Variants in MAP3K20 observed in about 807,000 individuals in gnomAD.
The protein encoded by MAP3K20 is HCCS-4.
A neutral mutation model predicts 85.7 loss-of-function variants in MAP3K20; 40 were observed. The ratio of observed to expected loss-of-function variants is 0.47; its 90% CI spans 0.36 to 0.61. MAP3K20 has a LOEUF of 0.61. MAP3K20 is among the 20% of genes least tolerant of loss of function. The pLI is 0.00. For missense variants in MAP3K20, 817 were observed against 961.7 expected, an observed-to-expected ratio of 0.85 and a Z score of 1.99; for synonymous variants, 325 against 327.7, an observed-to-expected ratio of 0.99 and a Z score of 0.09.
At chr2:173,202,677 G>A (rs76218496) in intron 8 of MAP3K20, among the ~76,000 whole-genome samples, 2,567 of 152,284 alleles carry the variant, frequency 0.017, 41 homozygotes, top group Admixed American at 0.042. Flanking sequence ...AAATGCTCAA[G>A]CATGACCACA....
intron 2 of MAP3K20, among the ~76,000 whole-genome samples, chr2:173,113,692 G>T (rs1448868974): frequency 6.6e-6 from 1 of 152,070 alleles, no homozygotes; most frequent in Admixed American, 6.5e-5. Flanking sequence ...CCATGTATTT[G>T]CATGGTTTTG....
At chr2:173,202,272 G>C (rs1294814046) in intron 8 of MAP3K20, among the ~76,000 whole-genome samples, 1 of 152,170 alleles carries the variant, frequency 6.6e-6, no homozygotes, top group Non-Finnish European at 1.5e-5. Flanking sequence ...ACGGCCTTTA[G>C]TTTGGAGAGA....
intron 11 of MAP3K20, chr2:173,221,197 A>C (rs1382080493): frequency 3.2e-6 from 5 of 1,580,916 alleles, no homozygotes; most frequent in Non-Finnish European, 4.3e-6. Flanking sequence ...CTTACTTTGA[A>C]TCTAAAACAG....
At chr2:173,174,869 A>G (rs898495151) in intron 3 of MAP3K20, among the ~76,000 whole-genome samples, 1 of 152,218 alleles carries the variant, frequency 6.6e-6, no homozygotes, top group African/African-American at 2.4e-5. Context: ...TCTCTGTATT[A>G]TACTATCTCT....
chr2:173,185,898 T>C (rs931131504), intron 4 of MAP3K20, among the ~76,000 whole-genome samples: 2 of 152,192 alleles, frequency 1.3e-5, no homozygotes, highest in African/African-American at 4.8e-5. Flanking sequence ...CAGTTACACC[T>C]GCCAATTCTT....
chr2:173,108,778 T>C (rs752366076), intron 2 of MAP3K20, among the ~76,000 whole-genome samples: 1 of 152,188 alleles, frequency 6.6e-6, no homozygotes, highest in Non-Finnish European at 1.5e-5. Flanking sequence ...TAAGCAAAAA[T>C]TGGAAAAGTG....
intron 9 of MAP3K20, among the ~76,000 whole-genome samples, chr2:173,205,655 T>C (rs1411344161): frequency 6.6e-6 from 1 of 152,234 alleles, no homozygotes; most frequent in African/African-American, 2.4e-5. Context: ...TGCGTACATG[T>C]TGCAAAATCT....
intron 2 of MAP3K20, among the ~76,000 whole-genome samples, chr2:173,094,623 A>G (rs1396653349): frequency 3.3e-5 from 5 of 152,188 alleles, no homozygotes; most frequent in Admixed American, 6.5e-5. Context: ...GGAAAAGTAT[A>G]GGATAAGTGT....
intron 16 of MAP3K20, among the ~76,000 whole-genome samples, chr2:173,254,380 G>A (rs1185949252): frequency 6.8e-6 from 1 of 145,996 alleles, no homozygotes; most frequent in African/African-American, 2.6e-5. Context: ...CTTGCAGTGA[G>A]CCAAGATTGT....
chr2:173,186,580 C>A (rs1690492220), intron 4 of MAP3K20, among the ~76,000 whole-genome samples: 1 of 152,054 alleles, frequency 6.6e-6, no homozygotes, highest in African/African-American at 2.4e-5. Flanking sequence ...ATTAACCTCT[C>A]TATATGCTTT....
intron 2 of MAP3K20, 102 bp downstream of exon 2, chr2:173,091,292 G>A: frequency 7.9e-7 from 1 of 1,263,060 alleles, no homozygotes; most frequent in African/African-American, 1.5e-5. Flanking sequence ...ACCTAGCAAG[G>A]CCTTTGGGAC....
intron 2 of MAP3K20, among the ~76,000 whole-genome samples, chr2:173,116,695 C>A (rs1214247122): frequency 6.6e-6 from 1 of 152,170 alleles, no homozygotes; most frequent in Non-Finnish European, 1.5e-5. Flanking sequence ...AATTTGCTAT[C>A]CACCCTAATA....
chr2:173,265,095 C>G (rs1685386536), intron 19 of MAP3K20, among the ~76,000 whole-genome samples: 1 of 152,196 alleles, frequency 6.6e-6, no homozygotes, highest in Non-Finnish European at 1.5e-5. Flanking sequence ...GGAGGAGTCT[C>G]TGGAATTGTC....
chr2:173,197,035 C>T (rs1307070049), intron 7 of MAP3K20, among the ~76,000 whole-genome samples: 1 of 151,904 alleles, frequency 6.6e-6, no homozygotes, highest in Non-Finnish European at 1.5e-5. Flanking sequence ...TGCTATTAAT[C>T]ATGGTAATAT....
At chr2:173,117,436 G>A (rs907061878) in intron 2 of MAP3K20, among the ~76,000 whole-genome samples, 1 of 151,880 alleles carries the variant, frequency 6.6e-6, no homozygotes, top group African/African-American at 2.4e-5. Context: ...GCACCATCAC[G>A]CCTGGCTAAT....
chr2:173,099,533 G>T (rs992046429), intron 2 of MAP3K20, among the ~76,000 whole-genome samples: 1 of 151,946 alleles, frequency 6.6e-6, no homozygotes, highest in African/African-American at 2.4e-5. Context: ...CTCCACTCCT[G>T]TCCAACTGTT....
intron 3 of MAP3K20, among the ~76,000 whole-genome samples, chr2:173,181,231 A>G (rs1040103522): frequency 6.6e-6 from 1 of 152,170 alleles, no homozygotes; most frequent in Admixed American, 6.5e-5. Context: ...AAAACAGACA[A>G]TACTGCTGGG....
Position 173,266,260 on chromosome 2 carries a change from C to G in MAP3K20, c.1913C>G (p.Pro638Arg). The change falls in exon 20 of 20, where the codon CCT (proline) becomes CGT (arginine). Residue 638 changes from proline to arginine, a missense_variant. Physicochemically the swap from Pro to Arg is moderately radical, Grantham distance 103. Coordinates refer to ENST00000375213, the MANE Select transcript of MAP3K20 (RefSeq NM_016653.3). Reference protein sequence around the residue: ...TPVNQSRSSSPTQYGLTKNFS... With the variant: ...TPVNQSRSSSRTQYGLTKNFS... ...GTGAACCAGTCCAGAAGCTCGTCTCCTACTCAGTATGGACTGACCAAAAAC... is the reference window on the plus strand; with the variant it reads ...GTGAACCAGTCCAGAAGCTCGTCTCGTACTCAGTATGGACTGACCAAAAAC... The G allele has an allele frequency of 1.2e-6, 2 of 1,614,128 alleles. No individual in the cohort carries two copies. The highest frequency in any genetic ancestry group is 1.7e-6 in the Non-Finnish European group (2 of 1,180,012).
At chr2:173,257,789 G>A (rs1165127123) in intron 16 of MAP3K20, among the ~76,000 whole-genome samples, 2 of 152,142 alleles carry the variant, frequency 1.3e-5, no homozygotes, top group East Asian at 1.9e-4. Context: ...ATATTAATAT[G>A]AGAGTTCCAG....
Sources: gnomAD v4.1 joint callset for allele counts (sites outside exome capture counted in the v4.1 genomes callset) on GRCh38, gnomAD v4.1.1 for gene constraint, MANE v1.5 for transcripts, NCBI Gene and HGNC (gene_info 2026-07-23, HGNC 2026-07-21) for gene names.